The following ANO4 variants were observed in gnomAD, a reference collection of about 807,000 sequenced individuals.
ANO4 encodes the protein anoctamin-4.
A neutral mutation model predicts 141.9 loss-of-function variants in ANO4; 69 were observed. The ratio of observed to expected loss-of-function variants is 0.49; its 90% CI spans 0.40 to 0.59. The LOEUF (loss-of-function observed/expected upper bound fraction) is 0.59, where lower values mean the gene tolerates loss of function less well. Among genes scored for constraint, ANO4 ranks in the 20% least tolerant of loss-of-function variants. ANO4 has a pLI of 0.00. For missense variants in ANO4, 894 were observed against 1,162.2 expected (o/e 0.77, Z 3.36); for synonymous variants, 350 against 394.3 (o/e 0.89, Z 1.33).
intron 5 of ANO4, among the ~76,000 whole-genome samples, chr12:100,964,042 A>G (rs1212966771): frequency 6.6e-6 from 1 of 152,212 alleles, no homozygotes; most frequent in Non-Finnish European, 1.5e-5. Flanking sequence ...CAAGCTTGAA[A>G]TTTGCTCTTA....
intron 13 of ANO4, among the ~76,000 whole-genome samples, chr12:101,047,094 C>CAA (rs1851872839): frequency 6.6e-6 from 1 of 152,130 alleles, no homozygotes; most frequent in African/African-American, 2.4e-5. Flanking sequence ...TACAAAAATA[C>CAA]AAAAATTAGC....
At chr12:101,003,599 G>A (rs1293565836) in intron 8 of ANO4, among the ~76,000 whole-genome samples, 6 of 152,088 alleles carry the variant, frequency 3.9e-5, no homozygotes, top group Non-Finnish European at 8.8e-5. Flanking sequence ...TGTCACATTC[G>A]CATGGCACAT....
intron 13 of ANO4, 129 bp downstream of exon 13, chr12:101,043,764 T>G (rs1055387912): frequency 3.0e-6 from 2 of 666,956 alleles, no homozygotes; most frequent in Admixed American, 4.9e-5. Context: ...TAGACTTATC[T>G]CCATCATTCA....
chr12:100,902,963 T>C (rs1404870118), intron 2 of ANO4, among the ~76,000 whole-genome samples: 1 of 152,172 alleles, frequency 6.6e-6, no homozygotes, highest in Non-Finnish European at 1.5e-5. Context: ...CTGTTTACCT[T>C]CAGTCTATGA....
intron 26 of ANO4, among the ~76,000 whole-genome samples, chr12:101,124,343 A>C (rs188123880): frequency 5.3e-5 from 8 of 151,918 alleles, no homozygotes; most frequent in African/African-American, 1.9e-4. Flanking sequence ...AGATGTGTTT[A>C]AGTTCCTTGT....
chr12:100,963,915 A>G (rs527903297), intron 5 of ANO4, among the ~76,000 whole-genome samples: 1 of 152,330 alleles, frequency 6.6e-6, no homozygotes, highest in African/African-American at 2.4e-5. Flanking sequence ...TTGAACCAGT[A>G]CTATACAACC....
At position 101,099,648 on chromosome 12, in the gene ANO4, C is replaced by T; in HGVS notation, c.2077C>T (p.Pro693Ser). ...EHGPERKISF[P>S]QWEKDYNLQP... is the part of the protein sequence containing the mutation. ...TGGACCTGAAAGGAAAATAAGTTTC[C>T]CACAATGGGAAAAGGACTATAACCT... The change falls in exon 22 of 28, where the codon CCA becomes TCA. Residue 693 changes from proline to serine, a missense_variant. Pro to Ser is a moderately conservative substitution (Grantham distance 74). This residue lies in a region of ANO4 where 637 missense variants were observed against 909.2 expected (regional missense o/e 0.70). Coordinates refer to ENST00000392977, the MANE Select transcript of ANO4 (RefSeq NM_001286615.2). 6.2e-7 allele frequency: 1 copy of T among 1,611,996 alleles called. No individual in the cohort carries two copies. Among genetic ancestry groups the T allele is most frequent in the Non-Finnish European group, 8.5e-7 (1 of 1,179,312 alleles).
intron 2 of ANO4, among the ~76,000 whole-genome samples, chr12:100,910,241 G>T (rs1220001946): frequency 6.6e-6 from 1 of 152,050 alleles, no homozygotes; most frequent in African/African-American, 2.4e-5. Context: ...CATTTTTCTT[G>T]TCACCAACAT....
chr12:100,799,539 C>T (rs553353000), intron 1 of ANO4, among the ~76,000 whole-genome samples: 14 of 152,248 alleles, frequency 9.2e-5, no homozygotes, highest in East Asian at 3.9e-4. Flanking sequence ...GTCAAGAGAT[C>T]GAGACCATCC....
intron 2 of ANO4, among the ~76,000 whole-genome samples, chr12:100,902,843 C>A (rs184665757): frequency 6.6e-6 from 1 of 152,204 alleles, no homozygotes; most frequent in Non-Finnish European, 1.5e-5. Flanking sequence ...TGTCTTTGAC[C>A]AAGCTCTTAC....
chr12:100,859,891 A>G (rs2038382141), intron 1 of ANO4, among the ~76,000 whole-genome samples: 1 of 152,136 alleles, frequency 6.6e-6, no homozygotes, highest in African/African-American at 2.4e-5. Flanking sequence ...AATGTTGTTA[A>G]TATCTGTACC....
At chr12:100,805,148 T>C (rs2034927172) in intron 1 of ANO4, among the ~76,000 whole-genome samples, 1 of 152,150 alleles carries the variant, frequency 6.6e-6, no homozygotes, top group South Asian at 2.1e-4. Context: ...AAGGAGTCCA[T>C]TTTCTATTTT....
At chr12:100,906,597 G>A (rs2040855180) in intron 2 of ANO4, among the ~76,000 whole-genome samples, 1 of 152,170 alleles carries the variant, frequency 6.6e-6, no homozygotes, top group South Asian at 2.1e-4. Flanking sequence ...TAGGGACTGA[G>A]AGGCCAAGAT....
chr12:100,907,814 A>G (rs762121395), intron 2 of ANO4, among the ~76,000 whole-genome samples: 1 of 151,900 alleles, frequency 6.6e-6, no homozygotes, highest in Non-Finnish European at 1.5e-5. Flanking sequence ...TACCCTCTCC[A>G]CTCTTAGAAA....
intron 22 of ANO4, among the ~76,000 whole-genome samples, chr12:101,109,105 C>T (rs1013555601): frequency 6.6e-6 from 1 of 152,098 alleles, no homozygotes; most frequent in African/African-American, 2.4e-5. Flanking sequence ...AAAGCTCCTT[C>T]AATTCAGGTT....
intron 7 of ANO4, among the ~76,000 whole-genome samples, chr12:100,978,251 G>C (rs2136297393): frequency 6.6e-6 from 1 of 152,320 alleles, no homozygotes; most frequent in East Asian, 1.9e-4. Context: ...ATGAGGATTG[G>C]AGTAGGGAGA....
chr12:101,103,375 C>G (rs997372116), intron 22 of ANO4, among the ~76,000 whole-genome samples: 5 of 150,920 alleles, frequency 3.3e-5, no homozygotes, highest in African/African-American at 1.2e-4. Flanking sequence ...TTGTTTTGTA[C>G]ATACTTTTTA....
chr12:100,929,265 G>A (rs550626109), intron 3 of ANO4, among the ~76,000 whole-genome samples: 3 of 150,718 alleles, frequency 2.0e-5, no homozygotes, highest in South Asian at 2.1e-4. Flanking sequence ...CCTCCCTTCC[G>A]CTCTACTACT....
chr12:100,856,591 A>G (rs1232498173), intron 1 of ANO4, among the ~76,000 whole-genome samples: 1 of 152,156 alleles, frequency 6.6e-6, no homozygotes, highest in Non-Finnish European at 1.5e-5. Flanking sequence ...AGGGGAAGCT[A>G]TTTCAGCTTG....
Sources: gnomAD v4.1 joint callset for allele counts (sites outside exome capture counted in the v4.1 genomes callset) on GRCh38, gnomAD v4.1.1 for gene constraint, gnomAD v4.1.1 regional missense constraint, MANE v1.5 for transcripts, NCBI Gene and HGNC (gene_info 2026-07-23, HGNC 2026-07-21) for gene names.